ITGB8: variants seen among roughly 807,000 people sequenced by gnomAD.
The protein encoded by ITGB8 is integrin beta-8.
In ITGB8, 30 loss-of-function variants were observed where a neutral mutation model predicts 89.5. That is an observed-to-expected ratio of 0.34 (90% CI 0.25 to 0.45). The LOEUF (loss-of-function observed/expected upper bound fraction) is 0.45. ITGB8 is among the 20% of genes least tolerant of loss of function. ITGB8 has a pLI of 1.00. For missense variants in ITGB8, 836 were observed against 933.3 expected (o/e 0.90, Z 1.36); for synonymous variants, 335 against 320.4 (o/e 1.05, Z -0.49).
chr7:20,337,001 T>C (rs932825912), intron 1 of ITGB8, among the ~76,000 whole-genome samples: 27 of 152,210 alleles, frequency 1.8e-4, no homozygotes, highest in African/African-American at 7.2e-5. Context: ...AGGACACTTG[T>C]TTCTGTTTTC....
At chr7:20,405,292 G>C (rs941502119) in intron 11 of ITGB8, among the ~76,000 whole-genome samples, 8 of 150,984 alleles carry the variant, frequency 5.3e-5, no homozygotes, top group Admixed American at 4.0e-4. Flanking sequence ...AATGTTAGCT[G>C]TTACTGCTAT....
intron 3 of ITGB8, among the ~76,000 whole-genome samples, chr7:20,376,888 G>T (rs973308570): frequency 6.6e-6 from 1 of 152,124 alleles, no homozygotes; most frequent in Non-Finnish European, 1.5e-5. Flanking sequence ...TCCGGTATAC[G>T]TGCTAAGGCC....
chr7:20,382,463 TA>T (rs1786438422), intron 6 of ITGB8, among the ~76,000 whole-genome samples: 1 of 152,252 alleles, frequency 6.6e-6, no homozygotes, highest in South Asian at 2.1e-4. Context: ...ATATTTAATA[TA>T]ATCACCTAGA....
intron 8 of ITGB8, among the ~76,000 whole-genome samples, chr7:20,397,651 T>C (rs1474245131): frequency 6.6e-6 from 1 of 152,260 alleles, no homozygotes; most frequent in Non-Finnish European, 1.5e-5. Flanking sequence ...TGGAAGTTTA[T>C]ATTGATTTAC....
chr7:20,407,127 C>A (rs561436331), intron 12 of ITGB8, among the ~76,000 whole-genome samples: 1 of 152,248 alleles, frequency 6.6e-6, no homozygotes, highest in South Asian at 2.1e-4. Flanking sequence ...TTCTGGTTCA[C>A]TGAGGCCTTG....
rs1335606957 is a variant in ITGB8, at chr7:20,415,627, A to C, written c.*5630A>C. 1 of 152,578 alleles carries C rather than the reference A, an allele frequency of 6.6e-6. No individual in the cohort carries two copies. Among genetic ancestry groups the C allele is most frequent in the Non-Finnish European group, 1.5e-5 (1 of 68,018 alleles). The allele number at this position is 152,578 out of a possible 1,614,324, so 9.5% of individuals were successfully genotyped here. On this transcript the variant is annotated 3_prime_UTR_variant, in exon 14 of 14. Coordinates refer to ENST00000222573, the MANE Select transcript of ITGB8 (RefSeq NM_002214.3). ...AGCTGACACTGTAGTTTGTGGTGAG[A>C]TGTTTATTTTTCTAACAGAGCTTAT...
intron 8 of ITGB8, among the ~76,000 whole-genome samples, chr7:20,396,542 G>A (rs780068443): frequency 2.6e-5 from 4 of 152,068 alleles, no homozygotes; most frequent in African/African-American, 4.8e-5. Context: ...TGAAAAGTAC[G>A]TTGAGTAAAA....
rs374669540 is a variant in ITGB8, at chr7:20,389,348, G to A, written c.961-2055G>A. On this transcript the variant is annotated intron_variant, in intron 6 of 13. Transcript: ENST00000222573. ...CTGGCCTGAGATGGTATCTCATTGT[G>A]GTTTTGATTTGCATTTCTCTAATGA... is the stretch of plus-strand genomic sequence containing the variant. Among the ~76,000 whole-genome samples, 149 of 152,206 alleles carry A rather than the reference G, an allele frequency of 9.8e-4. 2 individuals are homozygous for A. The South Asian group carries it at 0.028, about 28-fold the overall frequency.
rs117726395 is a variant in ITGB8 at position 20,383,772 on chromosome 7, G to T, written c.960+1887G>T. Among the ~76,000 whole-genome samples, 113 of 152,218 alleles carry T rather than the reference G, an allele frequency of 7.4e-4. 1 individual carries two copies. The East Asian group carries it at 0.018, about 25-fold the overall frequency. On this transcript the variant is annotated intron_variant, in intron 6 of 13. Coordinates refer to ENST00000222573, the MANE Select transcript of ITGB8 (RefSeq NM_002214.3). ...TTTTAGATAGGGCTTGGATTCTTAT[G>T]ACATCAGGAAATTGGATGATTACAT... is the stretch of plus-strand genomic sequence containing the variant.
At position 20,413,665 on chromosome 7, in the gene ITGB8, A is replaced by C. The variant is rs777099230; in HGVS notation, c.*3668A>C. 1 of 152,018 alleles carries C rather than the reference A, an allele frequency of 6.6e-6. No individual in the cohort carries two copies. Among genetic ancestry groups the C allele is most frequent in the Non-Finnish European group, 1.5e-5 (1 of 67,948 alleles). 9.4% of individuals were successfully genotyped at this position (152,018 alleles called of 1,614,324 possible). On this transcript the variant is annotated 3_prime_UTR_variant, in exon 14 of 14. Transcript: ENST00000222573. Reference sequence around the variant, plus strand: ...TTCCAGACATCTTTAATTGATCTTAAAGCTCATTTGAGTCTTTGCCCCTGA... The same window carrying C: ...TTCCAGACATCTTTAATTGATCTTACAGCTCATTTGAGTCTTTGCCCCTGA...
At chr7:20,395,046 G>T in intron 8 of ITGB8, 61 bp downstream of exon 8, 3 of 921,280 alleles carry the variant, frequency 3.3e-6, no homozygotes, top group South Asian at 1.4e-5. Context: ...CTGTGACAAG[G>T]TACAAAGTAG....
intron 1 of ITGB8, among the ~76,000 whole-genome samples, chr7:20,353,694 G>A (rs1785185826): frequency 2.0e-5 from 3 of 147,292 alleles, no homozygotes; most frequent in Admixed American, 2.0e-4. Context: ...AGCACTTTGG[G>A]AGGCCGAGGC....
At position 20,384,900 on chromosome 7, in the gene ITGB8, C is replaced by T. The variant is rs1256765318; in HGVS notation, c.960+3015C>T. 3.3e-5 allele frequency among the ~76,000 whole-genome samples: 5 copies of T among 151,542 alleles called. No homozygotes were observed. In the East Asian group the frequency reaches 9.7e-4, roughly 29 times the overall value. ...ACACTATTGAATAAATTACATTTTC[C>T]ACTGCTTTTTCATCAAGATCAAGTG... On this transcript the variant is annotated intron_variant, in intron 6 of 13. Transcript: ENST00000222573.
At chr7:20,365,251 A>T (rs1367955982) in intron 2 of ITGB8, 1 of 152,502 alleles carries the variant, frequency 6.6e-6, no homozygotes, top group Non-Finnish European at 1.5e-5. Flanking sequence ...GGGGAGAAGG[A>T]AAACCTGTCA....
chr7:20,409,242 T>A (rs572026635), intron 12 of ITGB8, among the ~76,000 whole-genome samples: 2 of 152,346 alleles, frequency 1.3e-5, no homozygotes, highest in Admixed American at 6.5e-5. Context: ...CATTTAGTGA[T>A]CAACAGTACG....
chr7:20,368,730 T>C (rs560011914), intron 3 of ITGB8, among the ~76,000 whole-genome samples: 3 of 152,234 alleles, frequency 2.0e-5, no homozygotes, highest in Non-Finnish European at 4.4e-5. Flanking sequence ...ATTTTTGTTA[T>C]GCTCCTTCGT....
At chr7:20,406,209 T>C in intron 12 of ITGB8, 38 bp downstream of exon 12, 1 of 1,221,860 alleles carries the variant, frequency 8.2e-7, no homozygotes. Context: ...CAGAAGAGTG[T>C]CTGTAGAGGA....
At chr7:20,368,490 T>C (rs1193925706) in intron 3 of ITGB8, among the ~76,000 whole-genome samples, 1 of 152,192 alleles carries the variant, frequency 6.6e-6, no homozygotes, top group Non-Finnish European at 1.5e-5. Flanking sequence ...ACTAGAAAGT[T>C]TGAACATTTT....
chr7:20,350,270 C>T (rs1785070314), intron 1 of ITGB8, among the ~76,000 whole-genome samples: 1 of 152,150 alleles, frequency 6.6e-6, no homozygotes, highest in Non-Finnish European at 1.5e-5. Flanking sequence ...GCCTCAGCCT[C>T]CTGAGTAGCT....
Sources: gnomAD v4.1 joint callset for allele counts (sites outside exome capture counted in the v4.1 genomes callset) on GRCh38, gnomAD v4.1.1 for gene constraint, MANE v1.5 for transcripts, NCBI Gene and HGNC (gene_info 2026-07-23, HGNC 2026-07-21) for gene names.